The following RNF135 variants were observed in gnomAD, a reference collection of about 807,000 sequenced individuals.
RNF135 encodes ring finger protein 135, also known as E3 ubiquitin-protein ligase RNF135.
RNF135 carries 46 observed loss-of-function variants against 41.9 expected under a neutral mutation model. The observed-to-expected ratio is 1.10, with a 90% CI of 0.87 to 1.40. The LOEUF is 1.40. RNF135 is among the 40% of genes most tolerant of loss of function. The pLI, the probability that RNF135 is intolerant of heterozygous loss-of-function variation, is 0.00. For synonymous variants in RNF135, 238 were observed against 223.8 expected, an observed-to-expected ratio of 1.06 and a Z score of -0.57; for missense variants, 539 against 549.8, an observed-to-expected ratio of 0.98 and a Z score of 0.20.
chr17:30,979,251 C>CCA (rs1906761572), intron 1 of RNF135: 1 of 138,316 alleles, frequency 7.2e-6, no homozygotes, highest in African/African-American at 3.0e-5. Context: ...CCCCCCCCCC[C>CCA]ACCCTCCCGG....
chr17:30,959,718 C>T, the RNF135 span: 1 of 152,140 alleles, frequency 6.6e-6, no homozygotes, highest in Non-Finnish European at 1.5e-5. Flanking sequence ...AGTGAGGAAT[C>T]ACCAGTTTGC....
Position 30,988,111 on chromosome 17 carries a change from G to A in RNF135, c.679+5G>A. ...CTCCTGAAGCACAAATGCAGGGTGA[G>A]CTGATCTTATTTATTGGAGGAGGAT... On this transcript the variant is annotated splice_donor_5th_base_variant and intron_variant, in intron 3 of 4. Transcript: ENST00000328381. The A allele has an allele frequency of 6.2e-7, 1 of 1,613,736 alleles. No individual in the cohort carries two copies. Among genetic ancestry groups the A allele is most frequent in the Non-Finnish European group, 8.5e-7 (1 of 1,179,740 alleles).
At chr17:30,961,069 GCA>G in the RNF135 span, among the ~76,000 whole-genome samples, 1 of 152,058 alleles carries the variant, frequency 6.6e-6, no homozygotes, top group East Asian at 1.9e-4. Context: ...TTCTTTCACA[GCA>G]CATGATACCT....
chr17:30,971,640 T>A, intron 1 of RNF135, 195 bp downstream of exon 1: 7 of 1,351,308 alleles, frequency 5.2e-6, no homozygotes, highest in Non-Finnish European at 5.7e-6. Context: ...AAAAACAAAT[T>A]CCCCATCTTC....
At position 30,975,523 on chromosome 17, in the gene RNF135, G is replaced by A. The variant is rs566434964; in HGVS notation, c.372+4078G>A. Reference sequence around the variant, plus strand: ...ACCCATACCCAAACCCCTGCCCTCAGAAATAAATGGCCTCGAAAATAGACA... The same window carrying A: ...ACCCATACCCAAACCCCTGCCCTCAAAAATAAATGGCCTCGAAAATAGACA... On this transcript the variant is annotated intron_variant, in intron 1 of 4. Coordinates refer to ENST00000328381, the MANE Select transcript of RNF135 (RefSeq NM_032322.4). The A allele has an allele frequency of 6.4e-6, 5 of 778,012 alleles. No homozygotes were observed. The African/African-American group carries it at 6.8e-5, about 11-fold the overall frequency. The allele number at this position is 778,012 out of a possible 1,614,324, so 48.2% of individuals were successfully genotyped here. A position where few individuals can be genotyped will look rare whatever the true frequency, so the allele number is the denominator to read the frequency against.
chr17:30,959,523 G>C, the RNF135 span: 1 of 152,266 alleles, frequency 6.6e-6, no homozygotes, highest in African/African-American at 2.4e-5. Flanking sequence ...GGTTGGGGTG[G>C]GAGGAGGCAG....
At chr17:30,988,159 T>C in intron 3 of RNF135, 53 bp downstream of exon 3, 2 of 1,535,450 alleles carry the variant, frequency 1.3e-6, no homozygotes, top group South Asian at 1.1e-5. Flanking sequence ...TTGGGGGGAG[T>C]AGCAGAGTGC....
chr17:30,971,249 G>T lies in RNF135; in HGVS notation c.176G>T (p.Cys59Phe). ...GCCCGCGACGCCCGCCGCTGGGCCT[G>T]CCCCACTTGCCGCCAGGGCGCCGCG... The part of the protein sequence containing the change: ...WGARDARRWA[C>F]PTCRQGAAQQ... Residue 59 changes from cysteine (C) to phenylalanine (F), a missense_variant, in exon 1 of 5, where the codon TGC becomes TTC. Coordinates refer to ENST00000328381, the MANE Select transcript of RNF135 (RefSeq NM_032322.4). The T allele has an allele frequency of 6.6e-7, 1 of 1,521,452 alleles. No homozygotes were observed. The highest frequency in any genetic ancestry group is 8.8e-7 in the Non-Finnish European group (1 of 1,139,960). The allele number at this position is 1,521,452 out of a possible 1,614,324, so 94.2% of individuals were successfully genotyped here. A position where few individuals can be genotyped will look rare whatever the true frequency, so the allele number is the denominator to read the frequency against.
intron 1 of RNF135, among the ~76,000 whole-genome samples, chr17:30,976,149 GCACACGCCAC>G (rs1322094966): frequency 6.6e-6 from 1 of 152,064 alleles, no homozygotes; most frequent in Non-Finnish European, 1.5e-5. Flanking sequence ...GGGATTACAG[GCACACGCCAC>G]CACACCTGGC....
At chr17:30,985,211 C>T (rs1907502710) in intron 2 of RNF135, among the ~76,000 whole-genome samples, 1 of 152,178 alleles carries the variant, frequency 6.6e-6, no homozygotes, top group African/African-American at 2.4e-5. Flanking sequence ...TGCTGGAGTT[C>T]CTCAAGGCTG....
chr17:30,995,703 T>G (rs1205396074), intron 3 of RNF135, among the ~76,000 whole-genome samples: 1 of 152,212 alleles, frequency 6.6e-6, no homozygotes, highest in Non-Finnish European at 1.5e-5. Flanking sequence ...TTTATTTCAC[T>G]TAGCATAATG....
Position 30,971,057 on chromosome 17 carries a change from C to A in RNF135, c.-17C>A, listed in dbSNP as rs1905856668. ...CCGGCTCAACCCCGACGTCCGCGCCCCGGCCGCCTGTTGGCCATGGCGGGC... is the reference window on the plus strand; with the variant it reads ...CCGGCTCAACCCCGACGTCCGCGCCACGGCCGCCTGTTGGCCATGGCGGGC... On this transcript the variant is annotated 5_prime_UTR_variant, in exon 1 of 5. Coordinates refer to ENST00000328381, the MANE Select transcript of RNF135 (RefSeq NM_032322.4). 1 of 1,533,904 alleles carries A rather than the reference C, an allele frequency of 6.5e-7. No individual in the cohort carries two copies. Among genetic ancestry groups the A allele is most frequent in the Non-Finnish European group, 8.7e-7 (1 of 1,145,920 alleles).
chr17:30,985,876 T>C, intron 2 of RNF135, among the ~76,000 whole-genome samples: 1 of 152,198 alleles, frequency 6.6e-6, no homozygotes, highest in East Asian at 1.9e-4. Context: ...GCGCTCTAGC[T>C]ACACTGGCCG....
At chr17:30,961,438 C>G in the RNF135 span, among the ~76,000 whole-genome samples, 92 of 151,808 alleles carry the variant, frequency 6.1e-4, no homozygotes, top group Non-Finnish European at 9.1e-4. Flanking sequence ...TTCACCTCCC[C>G]TCCCCTCCTC....
intron 1 of RNF135, chr17:30,971,926 G>C (rs968270874): frequency 2.4e-5 from 4 of 165,186 alleles, no homozygotes; most frequent in African/African-American, 9.6e-5. Context: ...AGAGTAGCTG[G>C]GATTACAGGC....
At chr17:30,975,367 C>CT (rs1906353248) in intron 1 of RNF135, 1 of 747,520 alleles carries the variant, frequency 1.3e-6, no homozygotes, top group South Asian at 1.4e-5. Context: ...TGAGCCCAGG[C>CT]ACACATCTGG....
intron 1 of RNF135, among the ~76,000 whole-genome samples, chr17:30,976,824 A>G (rs576239145): frequency 6.6e-6 from 1 of 152,236 alleles, no homozygotes; most frequent in African/African-American, 2.4e-5. Context: ...TTCAGTCTAT[A>G]TGTGCCTATA....
At chr17:30,979,937 G>A (rs1468500383) in intron 1 of RNF135, among the ~76,000 whole-genome samples, 345 of 106,592 alleles carry the variant, frequency 3.2e-3, no homozygotes, top group African/African-American at 0.013. Flanking sequence ...GGGCGGCCGG[G>A]CAGAGGCGCC....
At chr17:30,965,197 A>G in the RNF135 span, 5 of 152,068 alleles carry the variant, frequency 3.3e-5, no homozygotes, top group African/African-American at 7.2e-5. Context: ...AAAAAATACA[A>G]TAACAGGGCA....
Sources: allele counts gnomAD v4.1 joint callset (sites outside exome capture counted in the v4.1 genomes callset), GRCh38; gene constraint gnomAD v4.1.1; transcripts MANE v1.5; gene names NCBI Gene and HGNC (gene_info 2026-07-23, HGNC 2026-07-21).